TAF12: variants seen among roughly 807,000 people sequenced by gnomAD.
The protein encoded by TAF12 is transcription initiation factor TFIID subunit 12.
A neutral mutation model predicts 20.8 loss-of-function variants in TAF12; 3 were observed. The observed-to-expected ratio is 0.14, with a 90% CI of 0.07 to 0.37. The LOEUF (loss-of-function observed/expected upper bound fraction) is 0.37, where lower values mean the gene tolerates loss of function less well. Among genes scored for constraint, TAF12 ranks in the 10% least tolerant of loss-of-function variants. The pLI, the probability that TAF12 is intolerant of heterozygous loss-of-function variation, is 1.00. For missense variants in TAF12, 131 were observed against 197.9 expected (o/e 0.66, Z 2.03); for synonymous variants, 69 against 70.2 (o/e 0.98, Z 0.09).
intron 2 of TAF12, among the ~76,000 whole-genome samples, chr1:28,621,076 A>G (rs1173659092): frequency 6.6e-6 from 1 of 152,168 alleles, no homozygotes; most frequent in Non-Finnish European, 1.5e-5. Flanking sequence ...ATATTGCCTA[A>G]AAGTTCCAAT....
intron 1 of TAF12, among the ~76,000 whole-genome samples, chr1:28,636,764 G>T (rs551825786): frequency 6.6e-6 from 1 of 151,852 alleles, no homozygotes; most frequent in Non-Finnish European, 1.5e-5. Flanking sequence ...TGGCACCACT[G>T]CACTCCAACG....
At chr1:28,629,399 T>C (rs1473676678) in intron 1 of TAF12, among the ~76,000 whole-genome samples, 1 of 152,054 alleles carries the variant, frequency 6.6e-6, no homozygotes, top group Non-Finnish European at 1.5e-5. Flanking sequence ...ACAGTGGCCA[T>C]GATTTTGGCT....
chr1:28,642,782 C>A, intron 1 of TAF12: 5 of 985,410 alleles, frequency 5.1e-6, no homozygotes, highest in Non-Finnish European at 6.0e-6. Context: ...CATCCGTCCC[C>A]GTTCCCTAAG....
At chr1:28,647,439 C>T (rs1357919219), upstream of TAF12, among the ~76,000 whole-genome samples, 1 of 152,082 alleles carries the variant, frequency 6.6e-6, no homozygotes, top group Non-Finnish European at 1.5e-5. Flanking sequence ...AGGCCCATGC[C>T]ACGATGCCCA....
intron 3 of TAF12, 24 bp from the exon 4 acceptor site, chr1:28,613,385 G>T (rs1340080441): frequency 6.3e-7 from 1 of 1,589,838 alleles, no homozygotes; most frequent in African/African-American, 1.3e-5. Flanking sequence ...AGTGGGAAGA[G>T]TCAGCACGAC....
At chr1:28,626,326 T>C (rs1449486220) in intron 1 of TAF12, among the ~76,000 whole-genome samples, 2 of 151,150 alleles carry the variant, frequency 1.3e-5, no homozygotes, top group Non-Finnish European at 3.0e-5. Context: ...ACGCCTGTAA[T>C]CCCAGCACTT....
intron 1 of TAF12, among the ~76,000 whole-genome samples, chr1:28,640,063 G>C (rs533896309): frequency 6.6e-6 from 1 of 152,194 alleles, no homozygotes; most frequent in Non-Finnish European, 1.5e-5. Flanking sequence ...GGCGGGTCTC[G>C]AACTCCTGAT....
At chr1:28,631,877 T>C (rs1231540279) in intron 1 of TAF12, among the ~76,000 whole-genome samples, 1 of 152,174 alleles carries the variant, frequency 6.6e-6, no homozygotes, top group Non-Finnish European at 1.5e-5. Context: ...CCCTCATACA[T>C]TGCTGGTGTG....
intron 1 of TAF12, among the ~76,000 whole-genome samples, chr1:28,624,347 G>A (rs967198390): frequency 6.6e-6 from 1 of 152,120 alleles, no homozygotes; most frequent in African/African-American, 2.4e-5. Flanking sequence ...TTATATCAAT[G>A]GCCTTCAGAA....
chr1:28,603,305 G>A lies in TAF12; in HGVS notation c.*234C>T. The A allele has an allele frequency of 1.9e-6, 1 of 538,350 alleles. No homozygotes were observed. 33.3% of individuals were successfully genotyped at this position (538,350 alleles called of 1,614,324 possible). On this transcript the variant is annotated 3_prime_UTR_variant, in exon 6 of 6. Coordinates refer to ENST00000373824, the MANE Select transcript of TAF12 (RefSeq NM_005644.4). ...TAAACCACAAATAAAATCTTCTCTG[G>A]AAGATACATTGCTCCTCTTTGAGAT... is the stretch of plus-strand genomic sequence containing the variant.
At chr1:28,634,140 G>A (rs2124374137) in intron 1 of TAF12, among the ~76,000 whole-genome samples, 1 of 151,698 alleles carries the variant, frequency 6.6e-6, no homozygotes, top group Non-Finnish European at 1.5e-5. Context: ...AACTGGCCGG[G>A]CACAGTGGCT....
At position 28,643,047 on chromosome 1, in the gene TAF12, G is replaced by C. The variant is rs1220551002; in HGVS notation, c.-140C>G. 3 of 985,892 alleles carry C rather than the reference G, an allele frequency of 3.0e-6. No individual in the cohort carries two copies. Among genetic ancestry groups the C allele is most frequent in the Non-Finnish European group, 3.6e-6 (3 of 829,958 alleles). The allele number at this position is 985,892 out of a possible 1,614,324, so 61.1% of individuals were successfully genotyped here. A position where few individuals can be genotyped will look rare whatever the true frequency, so the allele number is the denominator to read the frequency against. ...CAGAGACTGCCCCAGTGAAGCGTTCGTCTCAGCAGCCGGTCCGACTGCGCG... is the reference window on the plus strand; with the variant it reads ...CAGAGACTGCCCCAGTGAAGCGTTCCTCTCAGCAGCCGGTCCGACTGCGCG... On this transcript the variant is annotated 5_prime_UTR_variant, in exon 1 of 6. Coordinates refer to ENST00000373824, the MANE Select transcript of TAF12 (RefSeq NM_005644.4).
chr1:28,606,204 G>T (rs1055845065), intron 4 of TAF12, among the ~76,000 whole-genome samples: 1 of 151,852 alleles, frequency 6.6e-6, no homozygotes, highest in African/African-American at 2.4e-5. Flanking sequence ...TCACCATCTC[G>T]GTCAGGCTGG....
chr1:28,625,783 C>T (rs1167671690), intron 1 of TAF12, among the ~76,000 whole-genome samples: 4 of 151,880 alleles, frequency 2.6e-5, no homozygotes, highest in Non-Finnish European at 5.9e-5. Context: ...CCTCATGATC[C>T]GCCTGCCTCG....
intron 1 of TAF12, among the ~76,000 whole-genome samples, chr1:28,631,698 G>A (rs900366588): frequency 1.3e-5 from 2 of 152,112 alleles, no homozygotes; most frequent in African/African-American, 4.8e-5. Context: ...AAAGATCTGA[G>A]CAGACCCTTC....
At chr1:28,643,092 G>A (rs1668094710), upstream of TAF12, 3 of 985,850 alleles carry the variant, frequency 3.0e-6, no homozygotes, top group Non-Finnish European at 2.4e-6. Flanking sequence ...GACTACTTCC[G>A]GCACCGCTCC....
chr1:28,604,636 G>A (rs1666605130), intron 5 of TAF12, among the ~76,000 whole-genome samples: 1 of 152,192 alleles, frequency 6.6e-6, no homozygotes, highest in Non-Finnish European at 1.5e-5. Context: ...CTTGCTTCGT[G>A]AGCTTTACAA....
chr1:28,646,418 C>T (rs1286511466), upstream of TAF12: 1 of 152,170 alleles, frequency 6.6e-6, no homozygotes, highest in Non-Finnish European at 1.5e-5. Context: ...TCTCCTTTCT[C>T]TTGTGACTTC....
chr1:28,622,137 T>A lies in TAF12; in HGVS notation c.-56A>T. 1.3e-6 allele frequency: 2 copies of A among 1,554,908 alleles called. No individual in the cohort carries two copies. The highest frequency in any genetic ancestry group is 2.5e-5 in the South Asian group (2 of 81,156). On this transcript the variant is annotated 5_prime_UTR_variant, in exon 2 of 6. Coordinates refer to ENST00000373824, the MANE Select transcript of TAF12 (RefSeq NM_005644.4). ...GAGCTTATCGAGATCCTGTTTCTTT[T>A]TGGAGCTGTGAGGACCAAGGCCAAT...
Sources: allele counts gnomAD v4.1 joint callset (sites outside exome capture counted in the v4.1 genomes callset), GRCh38; gene constraint gnomAD v4.1.1; transcripts MANE v1.5; gene names NCBI Gene and HGNC (gene_info 2026-07-23, HGNC 2026-07-21).